The following PRR5 variants were observed in gnomAD, a reference collection of about 807,000 sequenced individuals.
PRR5 encodes proline-rich protein 5.
Under a neutral mutation model 30.6 loss-of-function variants are expected in PRR5, and 25 were observed. The ratio of observed to expected loss-of-function variants is 0.82; its 90% CI spans 0.60 to 1.14. The LOEUF is 1.14. Among genes scored for constraint, PRR5 ranks in the 50% most tolerant of loss-of-function variants. The pLI is 0.00. For missense variants in PRR5, 600 were observed against 547.1 expected (o/e 1.10, Z -0.96); for synonymous variants, 286 against 247.1 (o/e 1.16, Z -1.48).
At chr22:44,708,661 A>G (rs572859306) in intron 1 of PRR5, among the ~76,000 whole-genome samples, 1 of 152,262 alleles carries the variant, frequency 6.6e-6, no homozygotes, top group African/African-American at 2.4e-5. Context: ...CAGATGAGCA[A>G]ACAGGCTCGG....
At chr22:44,701,199 C>T (rs555425238), upstream of PRR5, among the ~76,000 whole-genome samples, 1 of 152,284 alleles carries the variant, frequency 6.6e-6, no homozygotes, top group East Asian at 1.9e-4. Context: ...TATATGGGGC[C>T]CTCCCAGCTC....
rs748479810 is a variant in PRR5 at position 44,702,538 on chromosome 22, G to T, written c.64G>T (p.Glu22Ter). ...SPSLSDLGKR[E>*]PAAAADERGT... is the part of the protein sequence containing the mutation. ...CAGCCTCAGTGACCTGGGCAAGAGA[G>T]AGCCGGCCGCCGCCGCGGACGAGCG... is the stretch of plus-strand genomic sequence containing the variant. Residue 22 changes from glutamate to a stop codon, truncating the protein, a stop_gained, in exon 1 of 8, where the codon GAG becomes TAG. Transcript: ENST00000336985. LOFTEE classifies it high-confidence loss of function. 6.9e-7 allele frequency: 1 copy of T among 1,458,194 alleles called. No homozygotes were observed. The highest frequency in any genetic ancestry group is 9.1e-7 in the Non-Finnish European group (1 of 1,103,160). 90.3% of individuals were successfully genotyped at this position (1,458,194 alleles called of 1,614,324 possible).
At chr22:44,703,036 C>T (rs1315873887) in intron 1 of PRR5, among the ~76,000 whole-genome samples, 4 of 152,194 alleles carry the variant, frequency 2.6e-5, no homozygotes, top group South Asian at 2.1e-4. Flanking sequence ...GCGCAGGCTT[C>T]CTGTGTCTCT....
chr22:44,728,988 T>G (rs1921390606), intron 4 of PRR5, among the ~76,000 whole-genome samples: 1 of 152,158 alleles, frequency 6.6e-6, no homozygotes, highest in Non-Finnish European at 1.5e-5. Context: ...TTTGATGGCC[T>G]GTGTGTGGCT....
At position 44,691,476 on chromosome 22, in the gene PRR5, C is replaced by T. The variant is rs1925235136; in HGVS notation, c.-10-11016C>T. Among the ~76,000 whole-genome samples the T allele has an allele frequency of 6.6e-6, 1 of 152,150 alleles. No homozygotes were observed. Among genetic ancestry groups the T allele is most frequent in the Non-Finnish European group, 1.5e-5 (1 of 68,014 alleles). ...CGCCTGGAGCTGACTCCTCCTGCCC[C>T]TGTGAAGAGTTGGGGCCCCTCCAGC... On this transcript the variant is annotated intron_variant, in intron 1 of 8. Coordinates refer to the PRR5 transcript ENST00000006251. The surrounding 1 kb of genome is among the most constrained non-coding windows in gnomAD (Gnocchi z 4.4).
In PRR5 at chr22:44,707,466, G is replaced by A. The variant is rs541161956; in HGVS notation, c.134+4858G>A. ...GACCCCTGACTAGGCCCCAGCTGCCGGCATGCCCTTGGCGGGCTCTGTGCT... is the reference window on the plus strand; with the variant it reads ...GACCCCTGACTAGGCCCCAGCTGCCAGCATGCCCTTGGCGGGCTCTGTGCT... On this transcript the variant is annotated intron_variant, in intron 1 of 7. Coordinates refer to ENST00000336985, the MANE Select transcript of PRR5 (RefSeq NM_181333.4). Among the ~76,000 whole-genome samples, 152 of 152,312 alleles carry A rather than the reference G, an allele frequency of 1.0e-3. 2 individuals are homozygous for A. The highest frequency in any genetic ancestry group is 3.5e-4 in the Non-Finnish European group (24 of 68,002).
In PRR5 at chr22:44,737,061, G is replaced by C; in HGVS notation, c.981G>C (p.Gln327His). ...CCAGCAGACTGTACCCCACGACCCA[G>C]CCCCCTGAGCAGGGCTTGGATCCCA... ...PCPSRLYPTTQPPEQGLDPTR... is the reference protein window; with the variant it reads ...PCPSRLYPTTHPPEQGLDPTR... The change falls in exon 8 of 8, where the codon CAG becomes CAC. Residue 327 changes from glutamine (Q) to histidine (H), a missense_variant. Transcript: ENST00000336985. 6.2e-7 allele frequency: 1 copy of C among 1,609,094 alleles called. No individual in the cohort carries two copies.
At chr22:44,695,665 CTGGGCTT>C (rs1289043419) in intron 1 of PRR5, among the ~76,000 whole-genome samples, 2 of 151,802 alleles carry the variant, frequency 1.3e-5, no homozygotes, top group African/African-American at 2.4e-5. Context: ...ATGGCTCAGT[CTGGGCTT>C]ACTGCAACCT....
At position 44,736,829 on chromosome 22, in the gene PRR5, T is replaced by A; in HGVS notation, c.749T>A (p.Val250Glu). 6.3e-7 allele frequency: 1 copy of A among 1,592,796 alleles called. No homozygotes were observed. Among genetic ancestry groups the A allele is most frequent in the African/African-American group, 1.3e-5 (1 of 74,628 alleles). ...GACGTGCTGGCCAAGAACCCTGTGG[T>A]GCGCTCCAAGAGCTACAACACGCCT... is the stretch of plus-strand genomic sequence containing the variant. ...SGDVLAKNPV[V>E]RSKSYNTPLL... Residue 250 changes from valine to glutamate, a missense_variant, in exon 8 of 8, where the codon GTG becomes GAG. Coordinates refer to ENST00000336985, the MANE Select transcript of PRR5 (RefSeq NM_181333.4).
At chr22:44,732,743 CACGT>C (rs1169998962) in intron 6 of PRR5, among the ~76,000 whole-genome samples, 2 of 150,758 alleles carry the variant, frequency 1.3e-5, no homozygotes, top group African/African-American at 4.9e-5. Context: ...ACACACCACA[CACGT>C]GTGCACGCAC....
chr22:44,721,800 A>C (rs1333698210), intron 2 of PRR5, among the ~76,000 whole-genome samples: 1 of 152,200 alleles, frequency 6.6e-6, no homozygotes, highest in Non-Finnish European at 1.5e-5. Flanking sequence ...GCGTGCTAGC[A>C]AGCACCGGGG....
At chr22:44,692,567 C>G (rs1009690929) in intron 1 of PRR5, among the ~76,000 whole-genome samples, 13 of 147,936 alleles carry the variant, frequency 8.8e-5, no homozygotes, top group African/African-American at 3.2e-4. Context: ...CTCCTCCACC[C>G]AGGGCTCCTC....
chr22:44,695,697 C>G (rs373216334), intron 1 of PRR5, among the ~76,000 whole-genome samples: 5 of 150,328 alleles, frequency 3.3e-5, no homozygotes, highest in African/African-American at 9.8e-5. Flanking sequence ...CTCCCGGGTT[C>G]AAGCAATTCT....
chr22:44,697,578 G>T (rs1601977554), upstream of PRR5, among the ~76,000 whole-genome samples: 1 of 152,240 alleles, frequency 6.6e-6, no homozygotes, highest in African/African-American at 2.4e-5. Flanking sequence ...GGAACACCAG[G>T]CTTCGCCACC....
At chr22:44,668,766 TCTG>T in exon 1 of PRR5, 1 of 148,310 alleles carries the variant, frequency 6.7e-6, no homozygotes, top group Non-Finnish European at 1.5e-5. Flanking sequence ...CGGCTCTGGC[TCTG>T]CGCGGTGGCA....
chr22:44,710,927 G>A lies in PRR5; in HGVS notation c.135-3664G>A, dbSNP rs188859053. 3.9e-3 allele frequency among the ~76,000 whole-genome samples: 600 copies of A among 152,292 alleles called. 7 individuals carry two copies. Among genetic ancestry groups the A allele is most frequent in the African/African-American group, 0.014 (562 of 41,562 alleles). On this transcript the variant is annotated intron_variant, in intron 1 of 7. Coordinates refer to ENST00000336985, the MANE Select transcript of PRR5 (RefSeq NM_181333.4). ...GGGCGTGCTGACCTTACAGCACCCCGGGCGGTCGGCACTGTACTGAGAAGT... is the reference window on the plus strand; with the variant it reads ...GGGCGTGCTGACCTTACAGCACCCCAGGCGGTCGGCACTGTACTGAGAAGT...
upstream of PRR5, among the ~76,000 whole-genome samples, chr22:44,673,130 C>A (rs931118240): frequency 8.5e-5 from 13 of 152,230 alleles, no homozygotes; most frequent in African/African-American, 3.1e-4. Flanking sequence ...AGCAATCCAC[C>A]TAGTGCCCAG....
In PRR5 at chr22:44,729,956, G is replaced by A. The variant is rs1921638453; in HGVS notation, c.323-1774G>A. The A allele has an allele frequency of 7.1e-6, 7 of 985,336 alleles. No homozygotes were observed. In the South Asian group the frequency reaches 1.4e-4, roughly 20 times the overall value. 61.0% of individuals were successfully genotyped at this position (985,336 alleles called of 1,614,324 possible). A position where few individuals can be genotyped will look rare whatever the true frequency, so the allele number is the denominator to read the frequency against. ...GTGTGTGGGCACAGTTCGGCGGGGC[G>A]GTGAGCATCCATCCGTCCGGGGCAT... On this transcript the variant is annotated intron_variant, in intron 4 of 7. Transcript: ENST00000336985.
chr22:44,682,143 C>T (rs1334462114), intron 1 of PRR5, among the ~76,000 whole-genome samples: 1 of 152,200 alleles, frequency 6.6e-6, no homozygotes, highest in African/African-American at 2.4e-5. Flanking sequence ...GGCAGGGAGG[C>T]CTGCATGCTA....
Sources: gnomAD v4.1 joint callset for allele counts (sites outside exome capture counted in the v4.1 genomes callset) on GRCh38, gnomAD v4.1.1 for gene constraint, Gnocchi (gnomAD v3.1) non-coding constraint, MANE v1.5 for transcripts, NCBI Gene and HGNC (gene_info 2026-07-23, HGNC 2026-07-21) for gene names.